The following PRSS2 variants were observed in gnomAD, a reference collection of about 807,000 sequenced individuals.
The protein encoded by PRSS2 is trypsin-2.
PRSS2 carries 19 observed loss-of-function variants against 19.2 expected under a neutral mutation model. The ratio of observed to expected loss-of-function variants is 0.99; its 90% CI spans 0.69 to 1.45. The LOEUF is 1.45. Ranked by LOEUF, PRSS2 falls within the 40% of genes most tolerant of loss-of-function variation. PRSS2 has a pLI of 0.00. For missense variants in PRSS2, 288 were observed against 294.4 expected (o/e 0.98, Z 0.16); for synonymous variants, 107 against 117.5 (o/e 0.91, Z 0.58).
intron 4 of PRSS2, 96 bp downstream of exon 4, chr7:142,774,151 C>A (rs1163714388): frequency 2.2e-5 from 30 of 1,389,142 alleles, no homozygotes; most frequent in Middle Eastern, 3.5e-4. Flanking sequence ...GCTGAGGAGG[C>A]TCCCTGCAGT....
chr7:142,773,299 C>T lies in PRSS2; in HGVS notation c.234C>T (p.Ile78=), dbSNP rs1800118101. The T allele has an allele frequency of 5.6e-6, 9 of 1,614,116 alleles. No individual in the cohort carries two copies. The African/African-American group carries it at 6.7e-5, about 12-fold the overall frequency. The change falls in exon 3 of 5, where the codon ATC becomes ATT. Residue 78 remains isoleucine (I), a synonymous_variant. Transcript: ENST00000539842. ...RIQVRLGEHN[I]EVLEGNEQFI... is the part of the protein sequence containing the mutation. ...AGGTGAGACTGGGAGAGCACAACAT[C>T]GAAGTCCTGGAGGGGAATGAACAGT...
At chr7:142,773,544 A>C (rs1219378035) in intron 3 of PRSS2, 25 bp downstream of exon 3, 38 of 1,551,626 alleles carry the variant, frequency 2.4e-5, no homozygotes, top group Admixed American at 3.3e-5. Context: ...TTGTCCTTCT[A>C]CTTCCCTCCA....
At chr7:142,773,666 A>T (rs1800166106) in intron 3 of PRSS2, 147 bp downstream of exon 3, 1 of 1,197,436 alleles carries the variant, frequency 8.4e-7, no homozygotes, top group Non-Finnish European at 1.2e-6. Context: ...GGCACCAGAG[A>T]GATGCAAATT....
At chr7:142,771,062 C>G in intron 1 of PRSS2, 40 bp downstream of exon 1, 1 of 440,604 alleles carries the variant, frequency 2.3e-6, no homozygotes, top group South Asian at 4.9e-5. Context: ...ACCAACCCTT[C>G]CCTGGCAGAC....
intron 4 of PRSS2, 108 bp downstream of exon 4, chr7:142,774,163 C>T: frequency 1.5e-6 from 2 of 1,325,610 alleles, no homozygotes; most frequent in South Asian, 2.4e-5. Context: ...CCCTGCAGTG[C>T]CCCATGGAGA....
intron 4 of PRSS2, 54 bp downstream of exon 4, chr7:142,774,109 G>C: frequency 1.9e-6 from 3 of 1,541,988 alleles, no homozygotes; most frequent in Non-Finnish European, 2.7e-6. Context: ...GGCCCCACCA[G>C]GGAAAATGAT....
intron 1 of PRSS2, 119 bp from the exon 2 acceptor site, chr7:142,771,930 C>G (rs1477598592): frequency 4.7e-6 from 7 of 1,490,750 alleles, no homozygotes; most frequent in Middle Eastern, 2.0e-4. Flanking sequence ...CGCTCCCCCC[C>G]TTGCCTAGCC....
At chr7:142,773,581 C>T (rs1481990513) in intron 3 of PRSS2, 62 bp downstream of exon 3, 18 of 1,472,078 alleles carry the variant, frequency 1.2e-5, no homozygotes, top group Non-Finnish European at 1.6e-5. Context: ...ACAAACCATG[C>T]CCCTTAACTT....
In PRSS2 at chr7:142,770,974, T is replaced by C. The variant is rs958188799; in HGVS notation, c.-9T>C. 1.0e-3 allele frequency: 698 copies of C among 679,190 alleles called. No homozygotes were observed. Among genetic ancestry groups the C allele is most frequent in the Non-Finnish European group, 1.6e-3 (603 of 370,704 alleles). 42.1% of individuals were successfully genotyped at this position (679,190 alleles called of 1,614,324 possible). On this transcript the variant is annotated 5_prime_UTR_variant, in exon 1 of 5. Transcript: ENST00000539842. ...GTTCTCCACCAGCAATCAGGCACAC[T>C]CTACCACCATGAATCTACTTCTGAT...
chr7:142,770,982 C>G lies in PRSS2; in HGVS notation c.-1C>G, dbSNP rs1554505366. The G allele has an allele frequency of 1.5e-6, 1 of 669,350 alleles. No individual in the cohort carries two copies. The highest frequency in any genetic ancestry group is 2.7e-6 in the Non-Finnish European group (1 of 365,188). The allele number at this position is 669,350 out of a possible 1,614,324, so 41.5% of individuals were successfully genotyped here. On this transcript the variant is annotated 5_prime_UTR_variant, in exon 1 of 5. Coordinates refer to ENST00000539842, the MANE Select transcript of PRSS2 (RefSeq NM_002770.4). ...CCAGCAATCAGGCACACTCTACCACCATGAATCTACTTCTGATCCTTACCT... is the reference window on the plus strand; with the variant it reads ...CCAGCAATCAGGCACACTCTACCACGATGAATCTACTTCTGATCCTTACCT...
chr7:142,772,962 C>T (rs960318182), intron 2 of PRSS2, among the ~76,000 whole-genome samples: 2 of 152,124 alleles, frequency 1.3e-5, no homozygotes, highest in Non-Finnish European at 2.9e-5. Flanking sequence ...GCTCCTTGTG[C>T]CCACAGTGCT....
rs1455669839 is a variant in PRSS2 at position 142,771,907 on chromosome 7, C to A, written c.41-142C>A. On this transcript the variant is annotated intron_variant, in intron 1 of 4. Transcript: ENST00000539842. ...TGGGAGCCACATCCAGTGATGATCACCAGGGCTGGCAGCGCTCCCCCCCTT... is the reference window on the plus strand; with the variant it reads ...TGGGAGCCACATCCAGTGATGATCAACAGGGCTGGCAGCGCTCCCCCCCTT... The A allele has an allele frequency of 2.0e-5, 17 of 858,882 alleles. No individual in the cohort carries two copies. In the African/African-American group the frequency reaches 4.0e-4, roughly 20 times the overall value. 53.2% of individuals were successfully genotyped at this position (858,882 alleles called of 1,614,324 possible). A position where few individuals can be genotyped will look rare whatever the true frequency, so the allele number is the denominator to read the frequency against.
chr7:142,772,545 C>G, intron 2 of PRSS2: 1 of 682,176 alleles, frequency 1.5e-6, no homozygotes, highest in Non-Finnish European at 2.7e-6. Flanking sequence ...AATACTGATC[C>G]CTGTGTTCTA....
intron 1 of PRSS2, among the ~76,000 whole-genome samples, chr7:142,771,423 C>T (rs932285836): frequency 6.6e-6 from 1 of 152,252 alleles, no homozygotes; most frequent in Non-Finnish European, 1.5e-5. Flanking sequence ...ATTCTCACTT[C>T]AATTGTCTGG....
At position 142,772,171 on chromosome 7, in the gene PRSS2, G is replaced by A. The variant is rs373988778; in HGVS notation, c.163G>A (p.Glu55Lys). 174 of 1,613,764 alleles carry A rather than the reference G, an allele frequency of 1.1e-4. No individual in the cohort carries two copies. Among genetic ancestry groups the A allele is most frequent in the Non-Finnish European group, 1.4e-4 (160 of 1,179,698 alleles). ...YHFCGGSLIS[E>K]QWVVSAGHCY... ...CTTCTGCGGTGGCTCCCTCATCAGC[G>A]AACAGTGGGTGGTGTCAGCAGGTCA... Residue 55 changes from glutamate (E) to lysine (K), a missense_variant, in exon 2 of 5, where the codon GAA becomes AAA. By Grantham distance (56) the Glu-to-Lys change is moderately conservative. Transcript: ENST00000539842.
At position 142,773,668 on chromosome 7, in the gene PRSS2, A is replaced by T. The variant is rs917052742; in HGVS notation, c.454+149A>T. ...AGGCTCTGCACTGGGCACCAGAGAG[A>T]TGCAAATTCTCAAGGATGTGGCTCC... On this transcript the variant is annotated intron_variant, in intron 3 of 4. Transcript: ENST00000539842. 3,493 of 1,191,414 alleles carry T rather than the reference A, an allele frequency of 2.9e-3. 10 individuals carry two copies. The highest frequency in any genetic ancestry group is 3.7e-3 in the Non-Finnish European group (3,094 of 832,298). 73.8% of individuals were successfully genotyped at this position (1,191,414 alleles called of 1,614,324 possible).
chr7:142,772,120 C>G lies in PRSS2; in HGVS notation c.112C>G (p.Gln38Glu). ...YICEENSVPY[Q>E]VSLNSGYHFC... ...CTGTGAGGAGAATTCTGTCCCCTAC[C>G]AGGTGTCCTTGAATTCTGGCTACCA... is the stretch of plus-strand genomic sequence containing the variant. The change falls in exon 2 of 5, where the codon CAG becomes GAG. Residue 38 changes from glutamine (Q) to glutamate (E), a missense_variant. Physicochemically the swap from Gln to Glu is conservative, Grantham distance 29. Transcript: ENST00000539842. 2 of 1,613,846 alleles carry G rather than the reference C, an allele frequency of 1.2e-6. No individual in the cohort carries two copies. Among genetic ancestry groups the G allele is most frequent in the Non-Finnish European group, 1.7e-6 (2 of 1,179,712 alleles).
chr7:142,773,417 GTCA>G lies in PRSS2; in HGVS notation c.356_358del (p.Ile119del). ...GCTGATCAAGCTCTCCTCACCTGCC[GTCA>G]TCAATTCCCGCGTGTCCGCCATCTC... On this transcript the variant is annotated inframe_deletion, in exon 3 of 5. Coordinates refer to ENST00000539842, the MANE Select transcript of PRSS2 (RefSeq NM_002770.4). 33 of 1,424,802 alleles carry G rather than the reference GTCA, an allele frequency of 2.3e-5. No homozygotes were observed. Among genetic ancestry groups the G allele is most frequent in the Non-Finnish European group, 3.2e-5 (33 of 1,046,968 alleles). The allele number at this position is 1,424,802 out of a possible 1,614,324, so 88.3% of individuals were successfully genotyped here.
At position 142,772,220 on chromosome 7, in the gene PRSS2, G is replaced by T; in HGVS notation, c.200+12G>T. The T allele has an allele frequency of 1.9e-6, 3 of 1,613,480 alleles. No homozygotes were observed. The highest frequency in any genetic ancestry group is 2.5e-6 in the Non-Finnish European group (3 of 1,179,450). ...CACTGCTACAAGTCGTAAGTGTGGG[G>T]CCCCTGACTGCAAAACTCCCAGCCA... On this transcript the variant is annotated intron_variant, in intron 2 of 4. Transcript: ENST00000539842.
Sources: allele counts gnomAD v4.1 joint callset (sites outside exome capture counted in the v4.1 genomes callset), GRCh38; gene constraint gnomAD v4.1.1; transcripts MANE v1.5; gene names NCBI Gene and HGNC (gene_info 2026-07-23, HGNC 2026-07-21).